The following STK33 variants were observed in gnomAD, a reference collection of about 807,000 sequenced individuals.
The protein encoded by STK33 is serine/threonine kinase 33.
STK33 carries 52 observed loss-of-function variants against 58.0 expected under a neutral mutation model. The ratio of observed to expected loss-of-function variants is 0.90; its 90% CI spans 0.72 to 1.13. The LOEUF is 1.13. Among genes scored for constraint, STK33 ranks in the 50% most tolerant of loss-of-function variants. The pLI is 0.00. For missense variants in STK33, 630 were observed against 604.2 expected (o/e 1.04, Z -0.45); for synonymous variants, 215 against 200.1 (o/e 1.07, Z -0.63).
At chr11:8,424,242 G>A (rs1013930209) in intron 14 of STK33, among the ~76,000 whole-genome samples, 2 of 150,010 alleles carry the variant, frequency 1.3e-5, no homozygotes, top group Non-Finnish European at 3.0e-5. Flanking sequence ...TGCGGTGTTT[G>A]GCTTTTTGTC....
Position 8,425,654 on chromosome 11 carries a change from A to T in STK33, c.1146+9840T>A, listed in dbSNP as rs142824169. On this transcript the variant is annotated intron_variant, in intron 14 of 15. Transcript: ENST00000687296. Reference sequence around the variant, plus strand: ...AATATTTCCATGTCTTTCTGCTTCAAATATGCTTCTTATAAATAGTAGAGA... The same window carrying T: ...AATATTTCCATGTCTTTCTGCTTCATATATGCTTCTTATAAATAGTAGAGA... Among the ~76,000 whole-genome samples the T allele has an allele frequency of 6.2e-3, 939 of 152,276 alleles. 4 individuals carry two copies. The highest frequency in any genetic ancestry group is 9.7e-3 in the Admixed American group (148 of 15,292).
chr11:8,518,304 C>G (rs1953015104), intron 1 of STK33, among the ~76,000 whole-genome samples: 1 of 152,108 alleles, frequency 6.6e-6, no homozygotes. Context: ...GAGATTTTGT[C>G]ACCACCAGGC....
the STK33 span, among the ~76,000 whole-genome samples, chr11:8,342,705 C>T: frequency 6.6e-6 from 1 of 152,222 alleles, no homozygotes; most frequent in Non-Finnish European, 1.5e-5. Context: ...TGATGAGGAA[C>T]ATAAGACACA....
the STK33 span, among the ~76,000 whole-genome samples, chr11:8,362,777 C>G: frequency 1.1e-4 from 16 of 152,166 alleles, no homozygotes; most frequent in Admixed American, 1.0e-3. Context: ...TCAGCAGCAG[C>G]CAGCTTCCTT....
chr11:8,392,695 T>A lies in STK33; in HGVS notation c.1360A>T (p.Lys454Ter). 6.2e-7 allele frequency: 1 copy of A among 1,614,210 alleles called. No individual in the cohort carries two copies. The highest frequency in any genetic ancestry group is 8.5e-7 in the Non-Finnish European group (1 of 1,180,030). Residue 454 changes from lysine (K) to a stop codon, truncating the protein, a stop_gained, in exon 16 of 16, where the codon AAG becomes TAG. Transcript: ENST00000687296. LOFTEE classifies it low-confidence loss of function (END_TRUNC). ...EEEKQSTAYE[K>*]QFPATSKDNF... ...TCCTTACTGGTTGCAGGAAATTGCT[T>A]TTCATAAGCAGTAGACTGCAAATAA...
At chr11:8,534,293 T>C (rs1954788042) in intron 1 of STK33, among the ~76,000 whole-genome samples, 1 of 151,786 alleles carries the variant, frequency 6.6e-6, no homozygotes, top group Non-Finnish European at 1.5e-5. Flanking sequence ...AAAAAAATTG[T>C]TTATACGTGC....
At chr11:8,371,874 T>C in the STK33 span, among the ~76,000 whole-genome samples, 2 of 132,958 alleles carry the variant, frequency 1.5e-5, no homozygotes, top group Non-Finnish European at 3.2e-5. Flanking sequence ...TCCCTCCTTC[T>C]CTTTATTTTT....
chr11:8,588,949 T>A (rs939737297), intron 1 of STK33, among the ~76,000 whole-genome samples: 3 of 152,126 alleles, frequency 2.0e-5, no homozygotes, highest in Admixed American at 2.0e-4. Flanking sequence ...CAGGAAAATG[T>A]AAATCAAAAC....
intron 1 of STK33, among the ~76,000 whole-genome samples, chr11:8,509,314 A>G (rs1011352799): frequency 3.3e-5 from 5 of 152,138 alleles, no homozygotes; most frequent in African/African-American, 4.8e-5. Flanking sequence ...CTCCCATTCT[A>G]TAACTTTGTA....
chr11:8,442,140 A>T lies in STK33; in HGVS notation c.872-1387T>A, dbSNP rs532528562. Among the ~76,000 whole-genome samples, 424 of 152,298 alleles carry T rather than the reference A, an allele frequency of 2.8e-3. 2 individuals carry two copies. Among genetic ancestry groups the T allele is most frequent in the African/African-American group, 9.7e-3 (403 of 41,556 alleles). ...CTCTGCCTAGTGTTAAAGAGATGAA[A>T]GGCAACAAAAAGGGGTCAAAAGATT... is the stretch of plus-strand genomic sequence containing the variant. On this transcript the variant is annotated intron_variant, in intron 11 of 15. Coordinates refer to ENST00000687296, the MANE Select transcript of STK33 (RefSeq NM_001352389.2).
intron 1 of STK33, among the ~76,000 whole-genome samples, chr11:8,532,926 T>C (rs1954668193): frequency 6.6e-6 from 1 of 152,224 alleles, no homozygotes; most frequent in Admixed American, 6.5e-5. Flanking sequence ...GTTATTGCAA[T>C]AATATGCAAA....
chr11:8,356,817 C>A, the STK33 span, among the ~76,000 whole-genome samples: 20 of 152,290 alleles, frequency 1.3e-4, no homozygotes, highest in South Asian at 3.9e-3. Flanking sequence ...TGGTGACTGT[C>A]TATGGAGGTC....
chr11:8,448,783 G>T (rs1945861634), intron 11 of STK33, among the ~76,000 whole-genome samples: 3 of 152,278 alleles, frequency 2.0e-5, no homozygotes, highest in Admixed American at 2.0e-4. Flanking sequence ...ATTGACAAAT[G>T]GGACCTAATT....
chr11:8,377,817 C>G, the STK33 span, among the ~76,000 whole-genome samples: 2 of 152,104 alleles, frequency 1.3e-5, no homozygotes, highest in Non-Finnish European at 2.9e-5. Flanking sequence ...TTTATACCAC[C>G]AAGTTGAGAA....
At chr11:8,384,730 C>T in the STK33 span, among the ~76,000 whole-genome samples, 10 of 152,202 alleles carry the variant, frequency 6.6e-5, no homozygotes, top group South Asian at 1.2e-3. Flanking sequence ...CCTGTAAACA[C>T]GTGACTTGCT....
At chr11:8,402,238 T>C (rs1036347327) in intron 15 of STK33, among the ~76,000 whole-genome samples, 1 of 152,160 alleles carries the variant, frequency 6.6e-6, no homozygotes, top group African/African-American at 2.4e-5. Context: ...AATGATAGAC[T>C]GGATTAAGAA....
At chr11:8,465,429 A>C (rs999496130) in intron 6 of STK33, 3 of 152,248 alleles carry the variant, frequency 2.0e-5, no homozygotes, top group African/African-American at 7.2e-5. Context: ...ATCCAAACCA[A>C]GAATCCATCC....
chr11:8,493,814 A>T (rs931065977), intron 1 of STK33, among the ~76,000 whole-genome samples: 1 of 152,180 alleles, frequency 6.6e-6, no homozygotes, highest in Non-Finnish European at 1.5e-5. Context: ...ACTATATGTA[A>T]TCCATCACAT....
intron 1 of STK33, among the ~76,000 whole-genome samples, chr11:8,591,416 C>T (rs1412065469): frequency 6.6e-6 from 1 of 152,102 alleles, no homozygotes; most frequent in African/African-American, 2.4e-5. Context: ...AGCAATGGAT[C>T]ATAAAGGAAA....
Sources: gnomAD v4.1 joint callset for allele counts (sites outside exome capture counted in the v4.1 genomes callset) on GRCh38, gnomAD v4.1.1 for gene constraint, MANE v1.5 for transcripts, NCBI Gene and HGNC (gene_info 2026-07-23, HGNC 2026-07-21) for gene names.